Variants in CCDC180 observed in about 807,000 individuals in gnomAD.
CCDC180 encodes the protein coiled-coil domain-containing protein 180.
Under a neutral mutation model 209.2 loss-of-function variants are expected in CCDC180, and 154 were observed. The observed-to-expected ratio is 0.74, with a 90% CI of 0.65 to 0.84. The LOEUF is 0.84. Among genes scored for constraint, CCDC180 ranks in the 40% least tolerant of loss-of-function variants. The probability of loss-of-function intolerance (pLI) is 0.00; values close to 1 mark genes in which losing one functional copy is unlikely to be tolerated. For synonymous variants in CCDC180, 778 were observed against 749.1 expected, an observed-to-expected ratio of 1.04 and a Z score of -0.63; for missense variants, 1,874 against 1,997.3, an observed-to-expected ratio of 0.94 and a Z score of 1.18.
rs768119725 is a variant in CCDC180, at chr9:97,318,580, C to A, written c.1077C>A (p.Ile359=). Residue 359 remains isoleucine, a splice_region_variant and synonymous_variant, in exon 10 of 37, where the codon ATC becomes ATA. Coordinates refer to ENST00000529487, the MANE Select transcript of CCDC180 (RefSeq NM_020893.6). ...QQRRLKHLCT[I]CDLLPPSYSK... ...GGCGGCTGAAGCATCTCTGCACCAT[C>A]TGGTATGGGCAGGAGGGGCGGCCCA... The A allele has an allele frequency of 1.2e-6, 2 of 1,612,230 alleles. No homozygotes were observed.
rs1188654106 is a variant in CCDC180, at chr9:97,349,308, G to A, written c.2855+17G>A. On this transcript the variant is annotated intron_variant, in intron 21 of 36. Transcript: ENST00000529487. ...GAGCCAAAAGTAAGGGGTCCTGGGA[G>A]TCTCCACCCCAGCCATGTGGCTCTG... The A allele has an allele frequency of 3.3e-6, 5 of 1,532,490 alleles. No homozygotes were observed. The highest frequency in any genetic ancestry group is 4.4e-6 in the Non-Finnish European group (5 of 1,143,922). The allele number at this position is 1,532,490 out of a possible 1,614,324, so 94.9% of individuals were successfully genotyped here.
rs1484423335 is a variant in CCDC180 at position 97,377,606 on chromosome 9, G to A, written c.*712G>A. 6.6e-6 allele frequency: 1 copy of A among 152,250 alleles called. No homozygotes were observed. The highest frequency in any genetic ancestry group is 6.5e-5 in the Admixed American group (1 of 15,288). 9.4% of individuals were successfully genotyped at this position (152,250 alleles called of 1,614,324 possible). A position where few individuals can be genotyped will look rare whatever the true frequency, so the allele number is the denominator to read the frequency against. On this transcript the variant is annotated 3_prime_UTR_variant, in exon 37 of 37. Transcript: ENST00000529487. Reference sequence around the variant, plus strand: ...GCTCCCAAATTTCCAGCCCCTGAAAGCTGTGTGACCCTCCAAGTGCAGTTC... The same window carrying A: ...GCTCCCAAATTTCCAGCCCCTGAAAACTGTGTGACCCTCCAAGTGCAGTTC...
At chr9:97,308,639 G>A (rs1832880820) in intron 2 of CCDC180, among the ~76,000 whole-genome samples, 1 of 152,186 alleles carries the variant, frequency 6.6e-6, no homozygotes, top group South Asian at 2.1e-4. Flanking sequence ...AAATTGCCTT[G>A]TTCTCTCTAA....
intron 18 of CCDC180, among the ~76,000 whole-genome samples, chr9:97,333,173 G>A (rs1024143466): frequency 2.0e-5 from 3 of 152,158 alleles, no homozygotes; most frequent in African/African-American, 4.8e-5. Flanking sequence ...CACATTTACT[G>A]ATTTGCAAAT....
At chr9:97,363,406 G>A in intron 28 of CCDC180, 1 of 272,892 alleles carries the variant, frequency 3.7e-6, no homozygotes, top group Non-Finnish European at 7.9e-6. Flanking sequence ...GAGATAAGGT[G>A]GGGGTGGCCT....
intron 19 of CCDC180, 80 bp downstream of exon 19, chr9:97,343,643 ATTGGGCTGGTATCAGTTGGATAAAG>A: frequency 9.5e-7 from 1 of 1,054,742 alleles, no homozygotes; most frequent in Non-Finnish European, 1.4e-6. Context: ...AAAAAAAAGG[ATTGGGCTGGTATCAGTTGGATAAAG>A]AAAAAAATGT....
Position 97,357,651 on chromosome 9 carries a change from A to C in CCDC180, c.3289A>C (p.Asn1097His). ...GGTGGCAAAATCCAATTCGCAAACA[A>C]ATGGATTAAATTTCTCTCTGCAACA... ...CQVAKSNSQT[N>H]GLNFSLQQLQ... The change falls in exon 25 of 37, where the codon AAT becomes CAT. Residue 1097 changes from asparagine to histidine, a missense_variant. Physicochemically the swap from Asn to His is moderately conservative, Grantham distance 68. Coordinates refer to ENST00000529487, the MANE Select transcript of CCDC180 (RefSeq NM_020893.6). 1 of 1,613,298 alleles carries C rather than the reference A, an allele frequency of 6.2e-7. No individual in the cohort carries two copies. The highest frequency in any genetic ancestry group is 8.5e-7 in the Non-Finnish European group (1 of 1,179,794).
chr9:97,338,684 G>A (rs1208978159), intron 18 of CCDC180, among the ~76,000 whole-genome samples: 1 of 152,148 alleles, frequency 6.6e-6, no homozygotes, highest in Non-Finnish European at 1.5e-5. Context: ...AGGTCTGCTT[G>A]GTGCAGAGCT....
chr9:97,370,497 T>G, intron 32 of CCDC180, 144 bp from the exon 33 acceptor site: 1 of 892,992 alleles, frequency 1.1e-6, no homozygotes. Context: ...TTAACCCCTC[T>G]GCCACTCTTC....
In CCDC180 at chr9:97,371,474, A is replaced by G. The variant is rs111351383; in HGVS notation, c.4489-121A>G. On this transcript the variant is annotated intron_variant, in intron 33 of 36. Transcript: ENST00000529487. The stretch of plus-strand genomic sequence containing the variant: ...AGGGCCAGATGCTGGTTACTTGGAC[A>G]CAGTGGATATAATGGCTTGGGTCCC... The G allele has an allele frequency of 3.2e-3, 1,716 of 541,886 alleles. 14 individuals carry two copies. The highest frequency in any genetic ancestry group is 0.028 in the African/African-American group (1,533 of 54,318). The allele number at this position is 541,886 out of a possible 1,614,324, so 33.6% of individuals were successfully genotyped here. A position where few individuals can be genotyped will look rare whatever the true frequency, so the allele number is the denominator to read the frequency against.
intron 22 of CCDC180, among the ~76,000 whole-genome samples, chr9:97,352,114 A>AAACAAC (rs3052473): frequency 0.16 from 24,475 of 150,454 alleles, 2,337 homozygotes; most frequent in Middle Eastern, 0.23. Context: ...TTCCATCTCA[A>AAACAAC]AACAACAACA....
At chr9:97,372,616 T>C (rs1397888757) in intron 34 of CCDC180, 1 of 152,206 alleles carries the variant, frequency 6.6e-6, no homozygotes, top group African/African-American at 2.4e-5. Flanking sequence ...GTCCCAGCAC[T>C]TGAGAGGCTG....
chr9:97,354,568 G>C lies in CCDC180; in HGVS notation c.3003-1G>C. On this transcript the variant is annotated splice_acceptor_variant, in intron 22 of 36. Coordinates refer to ENST00000529487, the MANE Select transcript of CCDC180 (RefSeq NM_020893.6). LOFTEE classifies it high-confidence loss of function. ...TTTTATTTGTCTTTGATTATTTTCA[G>C]ATTGTTTTCAGAGGGAGGCAACTTT... 6.2e-7 allele frequency: 1 copy of C among 1,614,040 alleles called. No individual in the cohort carries two copies. The highest frequency in any genetic ancestry group is 8.5e-7 in the Non-Finnish European group (1 of 1,179,936).
intron 11 of CCDC180, among the ~76,000 whole-genome samples, chr9:97,320,766 C>T (rs1833332221): frequency 6.6e-6 from 1 of 152,280 alleles, no homozygotes; most frequent in African/African-American, 2.4e-5. Flanking sequence ...AGCGTGTGTG[C>T]TGACTGCTGG....
At chr9:97,352,642 T>C (rs192525961) in intron 22 of CCDC180, among the ~76,000 whole-genome samples, 107 of 152,330 alleles carry the variant, frequency 7.0e-4, no homozygotes, top group Admixed American at 1.4e-3. Context: ...CATGTCAGTA[T>C]CTGCAAAGCT....
chr9:97,353,100 G>A (rs148229242), intron 22 of CCDC180, among the ~76,000 whole-genome samples: 1,819 of 152,178 alleles, frequency 0.012, 39 homozygotes, highest in African/African-American at 0.042. Context: ...GGGTTCGAGC[G>A]ATTGTCCTGC....
chr9:97,325,308 G>A, intron 14 of CCDC180, 116 bp downstream of exon 14: 1 of 1,097,446 alleles, frequency 9.1e-7, no homozygotes, highest in Non-Finnish European at 1.3e-6. Flanking sequence ...TGGGGACATT[G>A]AGGCTCACGT....
rs142332421 is a variant in CCDC180, at chr9:97,376,819, T to G, written c.4899T>G (p.Ser1633=). 4.7e-4 allele frequency: 760 copies of G among 1,613,414 alleles called. 1 individual carries two copies. Among genetic ancestry groups the G allele is most frequent in the Middle Eastern group, 4.2e-3 (24 of 5,700 alleles). ...AGAGGATCCAGGATGACTGTACATC[T>G]CAGATAAAGGAGGCTCAGCGCTGGA... ...ELKRIQDDCT[S]QIKEAQRWKD... The change falls in exon 37 of 37, where the codon TCT becomes TCG. Residue 1633 remains serine, a synonymous_variant. Transcript: ENST00000529487.
At chr9:97,341,056 T>G (rs1826062936) in intron 18 of CCDC180, among the ~76,000 whole-genome samples, 1 of 152,144 alleles carries the variant, frequency 6.6e-6, no homozygotes, top group South Asian at 2.1e-4. Flanking sequence ...TAAGCTGTCT[T>G]TCTCTTTGTC....
Sources: allele counts gnomAD v4.1 joint callset (sites outside exome capture counted in the v4.1 genomes callset), GRCh38; gene constraint gnomAD v4.1.1; transcripts MANE v1.5; gene names NCBI Gene and HGNC (gene_info 2026-07-23, HGNC 2026-07-21).